The following CNDP1 variants were observed in gnomAD, a reference collection of about 807,000 sequenced individuals.
The protein encoded by CNDP1 is beta-Ala-His dipeptidase.
CNDP1 carries 44 observed loss-of-function variants against 58.1 expected under a neutral mutation model. That is an observed-to-expected ratio of 0.76 (90% CI 0.60 to 0.97). The LOEUF is 0.97. Among genes scored for constraint, CNDP1 ranks in the 50% least tolerant of loss-of-function variants. The pLI, the probability that CNDP1 is intolerant of heterozygous loss-of-function variation, is 0.00. For missense variants in CNDP1, 616 were observed against 655.1 expected, an observed-to-expected ratio of 0.94 and a Z score of 0.65; for synonymous variants, 254 against 252.6, an observed-to-expected ratio of 1.01 and a Z score of -0.05.
chr18:74,556,386 T>C lies in CNDP1; in HGVS notation c.73T>C (p.Phe25Leu), dbSNP rs774867540. 6.2e-7 allele frequency: 1 copy of C among 1,613,760 alleles called. No homozygotes were observed. Among genetic ancestry groups the C allele is most frequent in the South Asian group, 1.1e-5 (1 of 91,078 alleles). Reference protein sequence around the residue: ...VLLLLLERGMFSSPSPPPALL... With the variant: ...VLLLLLERGMLSSPSPPPALL... ...GCTGCTGCTGCTGGAGCGCGGCATG[T>C]TCTCCTCACCCTCCCCGCCCCCGGC... Residue 25 changes from phenylalanine (F) to leucine (L), a missense_variant, in exon 2 of 12, where the codon TTC becomes CTC. Transcript: ENST00000358821.
intron 6 of CNDP1, among the ~76,000 whole-genome samples, chr18:74,567,765 C>A (rs879918286): frequency 1.3e-5 from 2 of 152,198 alleles, no homozygotes; most frequent in African/African-American, 4.8e-5. Context: ...AAGCAGACTG[C>A]GCGATCAATG....
intron 2 of CNDP1, 46 bp from the exon 3 acceptor site, chr18:74,559,277 A>C (rs951970767): frequency 1.6e-5 from 26 of 1,607,750 alleles, no homozygotes; most frequent in Non-Finnish European, 2.1e-5. Flanking sequence ...CCCGCAGAGC[A>C]GATGTGGGAC....
chr18:74,569,733 T>C (rs901652015), intron 6 of CNDP1, among the ~76,000 whole-genome samples: 5 of 152,150 alleles, frequency 3.3e-5, no homozygotes, highest in Admixed American at 2.6e-4. Context: ...CAATTCTCCT[T>C]AGTGCCTCCC....
rs200821231 is a variant in CNDP1 at position 74,560,989 on chromosome 18, C to T, written c.437C>T (p.Thr146Met). The T allele has an allele frequency of 4.7e-5, 76 of 1,614,078 alleles. No individual in the cohort carries two copies. The highest frequency in any genetic ancestry group is 1.6e-4 in the East Asian group (7 of 44,870). The change falls in exon 4 of 12, where the codon ACG becomes ATG. Residue 146 changes from threonine to methionine, a missense_variant. By Grantham distance (81) the Thr-to-Met change is moderately conservative. Coordinates refer to ENST00000358821, the MANE Select transcript of CNDP1 (RefSeq NM_032649.6). ...QPADRGDGWL[T>M]DPYVLTEVDG... The stretch of plus-strand genomic sequence containing the variant: ...GCTGACCGGGGCGATGGGTGGCTCA[C>T]GGACCCCTATGTGCTGACGGAGGTA...
At chr18:74,556,016 A>G (rs78986410) in intron 1 of CNDP1, among the ~76,000 whole-genome samples, 140 of 151,932 alleles carry the variant, frequency 9.2e-4, no homozygotes, top group Non-Finnish European at 1.7e-3. Context: ...ATCACCCTTC[A>G]CTCCTGGGCA....
At chr18:74,577,657 T>C (rs1981667340) in intron 8 of CNDP1, 2 of 153,010 alleles carry the variant, frequency 1.3e-5, no homozygotes, top group Non-Finnish European at 2.9e-5. Context: ...GAGTGAATTA[T>C]TATGAAGCAG....
At chr18:74,579,557 A>G (rs1981735103) in intron 9 of CNDP1, among the ~76,000 whole-genome samples, 1 of 152,044 alleles carries the variant, frequency 6.6e-6, no homozygotes, top group Admixed American at 6.6e-5. Context: ...TAATTAATGG[A>G]AGAAATTTGA....
chr18:74,551,631 G>A lies in CNDP1; in HGVS notation c.25-4707G>A, dbSNP rs1271571849. ...TCAGACCCCTGCTGTCAGGGCCACT[G>A]TCAGGTCAGGGCATCAGGTCAGTCT... is the stretch of plus-strand genomic sequence containing the variant. On this transcript the variant is annotated intron_variant, in intron 1 of 11. Transcript: ENST00000358821. Among the ~76,000 whole-genome samples the A allele has an allele frequency of 2.6e-5, 4 of 152,276 alleles. No individual in the cohort carries two copies. The South Asian group carries it at 8.3e-4, about 32-fold the overall frequency.
chr18:74,566,993 C>A (rs550958839), intron 5 of CNDP1, among the ~76,000 whole-genome samples: 1 of 152,314 alleles, frequency 6.6e-6, no homozygotes, highest in South Asian at 2.1e-4. Context: ...TAGGTGGTGG[C>A]AGCAAGAGAA....
chr18:74,554,102 T>C (rs2144650387), intron 1 of CNDP1, among the ~76,000 whole-genome samples: 1 of 152,292 alleles, frequency 6.6e-6, no homozygotes, highest in East Asian at 1.9e-4. Context: ...GTGTTGGCCC[T>C]CCTGACTATT....
chr18:74,560,002 T>C (rs1490827396), intron 3 of CNDP1, among the ~76,000 whole-genome samples: 1 of 107,102 alleles, frequency 9.3e-6, no homozygotes, highest in Admixed American at 1.2e-4. Flanking sequence ...CCAGTTGTCA[T>C]CTGCATTCTT....
chr18:74,559,622 T>C (rs17089390), intron 3 of CNDP1, 150 bp downstream of exon 3: 39,152 of 751,744 alleles, frequency 0.052, 1,156 homozygotes, highest in East Asian at 0.093. Flanking sequence ...ATTCCCCTGG[T>C]CTCAAATGAA....
At chr18:74,541,726 C>G (rs1053224381) in intron 1 of CNDP1, among the ~76,000 whole-genome samples, 1 of 152,166 alleles carries the variant, frequency 6.6e-6, no homozygotes, top group Non-Finnish European at 1.5e-5. Flanking sequence ...GAGGTAGGGG[C>G]TTTCTGTCCC....
At chr18:74,543,116 T>C (rs1250067488) in intron 1 of CNDP1, among the ~76,000 whole-genome samples, 1 of 152,220 alleles carries the variant, frequency 6.6e-6, no homozygotes, top group African/African-American at 2.4e-5. Flanking sequence ...ATGTTTAAAT[T>C]CTTCAAGAGA....
Position 74,578,162 on chromosome 18 carries a change from G to T in CNDP1, c.1003-1G>T. 1 of 1,603,782 alleles carries T rather than the reference G, an allele frequency of 6.2e-7. No homozygotes were observed. The highest frequency in any genetic ancestry group is 8.5e-7 in the Non-Finnish European group (1 of 1,176,876). On this transcript the variant is annotated splice_acceptor_variant, in intron 8 of 11. Coordinates refer to ENST00000358821, the MANE Select transcript of CNDP1 (RefSeq NM_032649.6). LOFTEE classifies it high-confidence loss of function. ...CTTTGGATAATTTTATTTTAATATA[G>T]GAGGAGATTCTAATGCACCTCTGGA...
chr18:74,577,257 A>C, intron 8 of CNDP1: 1 of 362,092 alleles, frequency 2.8e-6, no homozygotes, highest in South Asian at 8.2e-5. Context: ...ACTTAACCAC[A>C]AGCAGTTACC....
chr18:74,581,874 G>T (rs1475284938), intron 10 of CNDP1, among the ~76,000 whole-genome samples: 1 of 152,224 alleles, frequency 6.6e-6, no homozygotes, highest in African/African-American at 2.4e-5. Flanking sequence ...GTAGACCTAT[G>T]GCATCCTATT....
intron 1 of CNDP1, among the ~76,000 whole-genome samples, chr18:74,539,234 G>A (rs895200630): frequency 1.4e-5 from 2 of 147,056 alleles, no homozygotes; most frequent in Non-Finnish European, 3.0e-5. Flanking sequence ...ATCTACACCT[G>A]TTTGTTCCCA....
At chr18:74,540,745 T>C (rs1168719453) in intron 1 of CNDP1, among the ~76,000 whole-genome samples, 1 of 152,196 alleles carries the variant, frequency 6.6e-6, no homozygotes, top group East Asian at 1.9e-4. Flanking sequence ...ATTTTCAGGG[T>C]GATTGGCGAC....
Sources: gnomAD v4.1 joint callset for allele counts (sites outside exome capture counted in the v4.1 genomes callset) on GRCh38, gnomAD v4.1.1 for gene constraint, MANE v1.5 for transcripts, NCBI Gene and HGNC (gene_info 2026-07-23, HGNC 2026-07-21) for gene names.